Variants in ATF6 observed in about 807,000 individuals in gnomAD.
ATF6 encodes the protein activating transcription factor 6.
In ATF6, 53 loss-of-function variants were observed where a neutral mutation model predicts 83.6. The observed-to-expected ratio is 0.63, with a 90% confidence interval of 0.51 to 0.80. ATF6 has a LOEUF of 0.80. Among genes scored for constraint, ATF6 ranks in the 30% least tolerant of loss-of-function variants. The pLI, the probability that ATF6 is intolerant of heterozygous loss-of-function variation, is 0.00. For synonymous variants in ATF6, 288 were observed against 285.8 expected (o/e 1.01, Z -0.08); for missense variants, 744 against 797.9 (o/e 0.93, Z 0.81).
At chr1:161,789,726 GTA>G (rs1046755629) in intron 4 of ATF6, among the ~76,000 whole-genome samples, 6 of 152,080 alleles carry the variant, frequency 3.9e-5, no homozygotes, top group African/African-American at 1.4e-4. Context: ...TGTTAAGAAA[GTA>G]TTCCTCGGAT....
intron 14 of ATF6, among the ~76,000 whole-genome samples, chr1:161,902,715 G>A (rs1490997892): frequency 1.3e-5 from 2 of 152,210 alleles, no homozygotes; most frequent in African/African-American, 4.8e-5. Flanking sequence ...AGTAGATCCT[G>A]GGGATTCACC....
At chr1:161,877,944 G>T (rs944992788) in intron 14 of ATF6, among the ~76,000 whole-genome samples, 2 of 152,020 alleles carry the variant, frequency 1.3e-5, no homozygotes, top group African/African-American at 4.8e-5. Flanking sequence ...ATATTTGGGG[G>T]GCACGGTAAT....
Position 161,791,506 on chromosome 1 carries a change from T to G in ATF6, c.453T>G (p.Asp151Glu), listed in dbSNP as rs1323580203. 1 of 1,612,378 alleles carries G rather than the reference T, an allele frequency of 6.2e-7. No homozygotes were observed. The highest frequency in any genetic ancestry group is 1.1e-5 in the South Asian group (1 of 91,024). ...SLSSAEPLKE[D>E]KPVTGPRNKT... ...CTTCAGCGGAGCCACTGAAGGAAGATAAGCCTGTCACTGGTCCTAGGAACA... is the reference window on the plus strand; with the variant it reads ...CTTCAGCGGAGCCACTGAAGGAAGAGAAGCCTGTCACTGGTCCTAGGAACA... The change falls in exon 5 of 16, where the codon GAT becomes GAG. Residue 151 changes from aspartate (D) to glutamate (E), a missense_variant. Physicochemically the swap from Asp to Glu is conservative, Grantham distance 45. Coordinates refer to ENST00000367942, the MANE Select transcript of ATF6 (RefSeq NM_007348.4).
intron 6 of ATF6, among the ~76,000 whole-genome samples, chr1:161,801,809 GA>G (rs1685154734): frequency 6.6e-6 from 1 of 152,110 alleles, no homozygotes; most frequent in Non-Finnish European, 1.5e-5. Flanking sequence ...AGATAAATAA[GA>G]AAGTATATTA....
chr1:161,862,246 G>T (rs1482424795), intron 13 of ATF6, among the ~76,000 whole-genome samples: 2 of 152,046 alleles, frequency 1.3e-5, no homozygotes, highest in Admixed American at 6.6e-5. Flanking sequence ...GTGAACAAAT[G>T]GAGTTATTTC....
rs1689143601 is a variant in ATF6 at position 161,963,474 on chromosome 1, T to C, written c.*4820T>C. On this transcript the variant is annotated 3_prime_UTR_variant, in exon 16 of 16. Transcript: ENST00000367942. ...ATACTTTTAATTATATTAGGTTTGG[T>C]AACTAAGGAGTAAATAAATCATAAT... 6.6e-6 allele frequency: 1 copy of C among 152,222 alleles called. No homozygotes were observed. Among genetic ancestry groups the C allele is most frequent in the Non-Finnish European group, 1.5e-5 (1 of 68,034 alleles). The allele number at this position is 152,222 out of a possible 1,614,324, so 9.4% of individuals were successfully genotyped here.
Position 161,863,281 on chromosome 1 carries a change from G to C in ATF6, c.1688G>C (p.Gly563Ala). Residue 563 changes from glycine to alanine, a missense_variant, in exon 14 of 16, where the codon GGA (glycine) becomes GCA (alanine). By Grantham distance (60) the Gly-to-Ala change is moderately conservative. Transcript: ENST00000367942. ...QDFFEAIRRR[G>A]DTFYVVSFRR... Reference sequence around the variant, plus strand: ...TTTTTTGAAGCCATCCGCAGAAGGGGAGACACATTTTATGTTGTGTCATTT... The same window carrying C: ...TTTTTTGAAGCCATCCGCAGAAGGGCAGACACATTTTATGTTGTGTCATTT... 6.2e-7 allele frequency: 1 copy of C among 1,612,390 alleles called. No individual in the cohort carries two copies. The highest frequency in any genetic ancestry group is 8.5e-7 in the Non-Finnish European group (1 of 1,178,560).
At chr1:161,880,711 G>A (rs1302166009) in intron 14 of ATF6, among the ~76,000 whole-genome samples, 2 of 152,110 alleles carry the variant, frequency 1.3e-5, no homozygotes, top group Admixed American at 6.6e-5. Flanking sequence ...GACTATTTGT[G>A]TACAAGTCTT....
chr1:161,775,898 A>G (rs79789004), intron 1 of ATF6, among the ~76,000 whole-genome samples: 7 of 139,596 alleles, frequency 5.0e-5, no homozygotes, highest in African/African-American at 1.1e-4. Context: ...ACATGTGTGT[A>G]TATATATATA....
At chr1:161,794,982 G>A (rs1684980383) in intron 6 of ATF6, among the ~76,000 whole-genome samples, 1 of 152,136 alleles carries the variant, frequency 6.6e-6, no homozygotes, top group South Asian at 2.1e-4. Flanking sequence ...CTATCTTGGG[G>A]CTTTTTGGGT....
At chr1:161,813,315 A>C (rs1685520738) in intron 7 of ATF6, among the ~76,000 whole-genome samples, 1 of 152,212 alleles carries the variant, frequency 6.6e-6, no homozygotes, top group Non-Finnish European at 1.5e-5. Flanking sequence ...ACCTGTAGCA[A>C]AAATAATCAG....
chr1:161,851,675 A>T, intron 10 of ATF6, 47 bp from the exon 11 acceptor site: 2 of 1,345,120 alleles, frequency 1.5e-6, no homozygotes, highest in Non-Finnish European at 2.1e-6. Flanking sequence ...CAAACTTCTT[A>T]GGAATTTAAG....
chr1:161,920,120 G>T (rs978390575), intron 15 of ATF6, among the ~76,000 whole-genome samples: 2 of 151,752 alleles, frequency 1.3e-5, no homozygotes, highest in African/African-American at 4.8e-5. Flanking sequence ...TTAAAGGTCT[G>T]CAGGTTGTCT....
rs1215361416 is a variant in ATF6 at position 161,802,292 on chromosome 1, G to C, written c.909+20G>C. The C allele has an allele frequency of 6.2e-7, 1 of 1,600,854 alleles. No homozygotes were observed. The highest frequency in any genetic ancestry group is 2.2e-5 in the East Asian group (1 of 44,844). On this transcript the variant is annotated intron_variant, in intron 7 of 15. Transcript: ENST00000367942. ...TCAGATGTAAGTTTTGAAACTTAGT[G>C]CTTCTCTTAATGCCTGATTTAAAAA... is the stretch of plus-strand genomic sequence containing the variant.
chr1:161,789,278 T>TTA (rs869253939), intron 4 of ATF6, among the ~76,000 whole-genome samples: 1 of 144,940 alleles, frequency 6.9e-6, no homozygotes. Context: ...TTTTTTTTTT[T>TTA]ACCCATTAAC....
intron 11 of ATF6, among the ~76,000 whole-genome samples, chr1:161,852,131 A>C (rs1308127320): frequency 6.6e-6 from 1 of 152,234 alleles, no homozygotes; most frequent in Non-Finnish European, 1.5e-5. Context: ...CATAGCAGAA[A>C]GTACCTTTTT....
At chr1:161,783,959 G>A (rs760806475) in intron 3 of ATF6, 31 bp from the exon 4 acceptor site, 12 of 1,412,042 alleles carry the variant, frequency 8.5e-6, no homozygotes, top group Non-Finnish European at 1.2e-5. Context: ...TTATTGTCCA[G>A]TGGGTAAAAC....
intron 14 of ATF6, among the ~76,000 whole-genome samples, chr1:161,882,275 G>A (rs771650337): frequency 6.6e-6 from 1 of 152,106 alleles, no homozygotes; most frequent in Non-Finnish European, 1.5e-5. Flanking sequence ...TAACAAAAGT[G>A]TAATGGGTAG....
intron 9 of ATF6, among the ~76,000 whole-genome samples, chr1:161,831,073 A>C (rs571615920): frequency 1.3e-5 from 2 of 152,360 alleles, no homozygotes; most frequent in Non-Finnish European, 2.9e-5. Context: ...GATATCCAGA[A>C]TCTACAAAGA....
Sources: allele counts gnomAD v4.1 joint callset (sites outside exome capture counted in the v4.1 genomes callset), GRCh38; gene constraint gnomAD v4.1.1; transcripts MANE v1.5; gene names NCBI Gene and HGNC (gene_info 2026-07-23, HGNC 2026-07-21).